The following CDH18 variants were observed in gnomAD, a reference collection of about 807,000 sequenced individuals.
The protein encoded by CDH18 is cadherin-18.
Under a neutral mutation model 67.9 loss-of-function variants are expected in CDH18, and 31 were observed. The ratio of observed to expected loss-of-function variants is 0.46; its 90% CI spans 0.34 to 0.62. The LOEUF (loss-of-function observed/expected upper bound fraction) is 0.62, where lower values mean the gene tolerates loss of function less well. Among genes scored for constraint, CDH18 ranks in the 20% least tolerant of loss-of-function variants. The probability of loss-of-function intolerance (pLI) is 0.01; values close to 1 mark genes in which losing one functional copy is unlikely to be tolerated. For synonymous variants in CDH18, 362 were observed against 347.2 expected, an observed-to-expected ratio of 1.04 and a Z score of -0.48; for missense variants, 890 against 975.5, an observed-to-expected ratio of 0.91 and a Z score of 1.17.
intron 4 of CDH18, among the ~76,000 whole-genome samples, chr5:19,729,173 C>G (rs1767261414): frequency 6.6e-6 from 1 of 150,416 alleles, no homozygotes; most frequent in African/African-American, 2.4e-5. Context: ...ATTTCACATT[C>G]ACATGTACAA....
intron 1 of CDH18, among the ~76,000 whole-genome samples, chr5:20,395,452 T>G (rs1745208972): frequency 6.6e-6 from 1 of 151,508 alleles, no homozygotes. Flanking sequence ...ATAGAGAGGG[T>G]AGGAAGTAGG....
intron 1 of CDH18, among the ~76,000 whole-genome samples, chr5:20,477,630 C>T (rs529861630): frequency 6.6e-6 from 1 of 152,182 alleles, no homozygotes; most frequent in Non-Finnish European, 1.5e-5. Flanking sequence ...GTGATGGGAA[C>T]CTGAGTTCCA....
At chr5:20,091,710 T>C (rs1745448339) in intron 2 of CDH18, among the ~76,000 whole-genome samples, 1 of 152,158 alleles carries the variant, frequency 6.6e-6, no homozygotes, top group Non-Finnish European at 1.5e-5. Context: ...TATAAATAAA[T>C]ACTGATCCTC....
intron 2 of CDH18, among the ~76,000 whole-genome samples, chr5:19,951,740 T>C (rs1795812472): frequency 6.6e-6 from 1 of 152,132 alleles, no homozygotes. Flanking sequence ...CTCAGGGTTT[T>C]TCAACTATGC....
intron 2 of CDH18, chr5:20,159,010 G>C (rs60595535): frequency 0.035 from 5,512 of 156,118 alleles, 310 homozygotes; most frequent in East Asian, 0.28. Context: ...AACAGAAAGG[G>C]GCTAACTTCT....
chr5:19,860,500 G>T (rs1331184572), intron 2 of CDH18, among the ~76,000 whole-genome samples: 1 of 139,868 alleles, frequency 7.1e-6, no homozygotes. Flanking sequence ...TTTTATTTTA[G>T]TTCATATCAT....
At chr5:19,840,094 A>C (rs1212733175) in intron 2 of CDH18, among the ~76,000 whole-genome samples, 1 of 107,606 alleles carries the variant, frequency 9.3e-6, no homozygotes, top group East Asian at 2.7e-4. Context: ...CGTCTCTAGT[A>C]AAAATAAAAA....
intron 1 of CDH18, among the ~76,000 whole-genome samples, chr5:20,480,246 A>G (rs1202735231): frequency 6.6e-6 from 1 of 152,200 alleles, no homozygotes; most frequent in Non-Finnish European, 1.5e-5. Flanking sequence ...GAAAATTATA[A>G]CACTGAAAAT....
chr5:20,385,185 T>C (rs1174277215), intron 1 of CDH18, among the ~76,000 whole-genome samples: 1 of 152,070 alleles, frequency 6.6e-6, no homozygotes, highest in Non-Finnish European at 1.5e-5. Flanking sequence ...TAAAAATTGT[T>C]TAGATTGCAT....
chr5:19,578,579 A>G (rs77759327), intron 7 of CDH18, among the ~76,000 whole-genome samples: 2,693 of 151,732 alleles, frequency 0.018, 82 homozygotes, highest in African/African-American at 0.062. Context: ...ATCAGGTTTG[A>G]ATATATATTT....
chr5:20,045,188 T>C (rs186267845), intron 2 of CDH18, among the ~76,000 whole-genome samples: 2 of 152,294 alleles, frequency 1.3e-5, no homozygotes, highest in African/African-American at 4.8e-5. Flanking sequence ...TTTATAAACA[T>C]TTAAAGAATA....
chr5:20,003,323 A>C (rs1736601964), intron 2 of CDH18, among the ~76,000 whole-genome samples: 1 of 152,044 alleles, frequency 6.6e-6, no homozygotes, highest in South Asian at 2.1e-4. Context: ...GTGTATTTGT[A>C]CATGTTGGAG....
At chr5:19,769,353 T>A (rs1230092604) in intron 3 of CDH18, among the ~76,000 whole-genome samples, 1 of 152,048 alleles carries the variant, frequency 6.6e-6, no homozygotes, top group Non-Finnish European at 1.5e-5. Context: ...AACAGCTGAT[T>A]TCTAATAAAA....
At chr5:20,518,426 T>C (rs1561087504) in intron 1 of CDH18, among the ~76,000 whole-genome samples, 1 of 152,138 alleles carries the variant, frequency 6.6e-6, no homozygotes, top group Non-Finnish European at 1.5e-5. Context: ...ATCTCCCAAG[T>C]ATGATTATGT....
chr5:19,997,229 T>TA (rs1433962953), intron 2 of CDH18, among the ~76,000 whole-genome samples: 1 of 152,118 alleles, frequency 6.6e-6, no homozygotes, highest in Non-Finnish European at 1.5e-5. Flanking sequence ...AGTATCTCTC[T>TA]AGAGACCTAT....
rs188741290 is a variant in CDH18, at chr5:19,677,806, A to C, written c.643+43541T>G. 5.4e-3 allele frequency among the ~76,000 whole-genome samples: 829 copies of C among 152,138 alleles called. 6 individuals carry two copies. The highest frequency in any genetic ancestry group is 7.8e-3 in the Non-Finnish European group (531 of 67,964). ...CATATTTGAGACCTAAAAACTAACA[A>C]AGATATTTGATAACTAATTTCAGAC... On this transcript the variant is annotated intron_variant, in intron 5 of 12. Transcript: ENST00000382275.
chr5:19,829,220 G>T (rs979834903), intron 3 of CDH18, among the ~76,000 whole-genome samples: 2 of 152,014 alleles, frequency 1.3e-5, no homozygotes, highest in Non-Finnish European at 2.9e-5. Context: ...ACAGCATTCA[G>T]GCAAGAGAAA....
At chr5:19,847,186 G>T (rs374069809) in intron 2 of CDH18, among the ~76,000 whole-genome samples, 1 of 152,002 alleles carries the variant, frequency 6.6e-6, no homozygotes, top group African/African-American at 2.4e-5. Context: ...TGTTTTGGAA[G>T]TTTTCTGCCA....
chr5:19,751,034 C>G (rs1770776108), intron 3 of CDH18, among the ~76,000 whole-genome samples: 1 of 151,936 alleles, frequency 6.6e-6, no homozygotes, highest in Non-Finnish European at 1.5e-5. Context: ...ATGCAGTCAC[C>G]CTAGTGAAGC....
Sources: allele counts gnomAD v4.1 joint callset (sites outside exome capture counted in the v4.1 genomes callset), GRCh38; gene constraint gnomAD v4.1.1; transcripts MANE v1.5; gene names NCBI Gene and HGNC (gene_info 2026-07-23, HGNC 2026-07-21).